Variants in GLIS3 observed in about 807,000 individuals in gnomAD.
GLIS3 encodes the protein GLIS family zinc finger 3, also known as zinc finger protein GLIS3.
Under a neutral mutation model 78.6 loss-of-function variants are expected in GLIS3, and 53 were observed. That is an observed-to-expected ratio of 0.67 (90% confidence interval 0.54 to 0.85). The LOEUF is 0.85. Among genes scored for constraint, GLIS3 ranks in the 40% least tolerant of loss-of-function variants. The pLI, the probability that GLIS3 is intolerant of heterozygous loss-of-function variation, is 0.00. For synonymous variants in GLIS3, 684 were observed against 509.9 expected, an observed-to-expected ratio of 1.34 and a Z score of -4.60; for missense variants, 1,703 against 1,231.1, an observed-to-expected ratio of 1.38 and a Z score of -5.74.
intron 2 of GLIS3, among the ~76,000 whole-genome samples, chr9:4,170,160 A>C (rs1191799543): frequency 3.3e-5 from 5 of 152,260 alleles, no homozygotes; most frequent in Non-Finnish European, 5.9e-5. Flanking sequence ...ATCAGTGTCC[A>C]GGATGAGTTA....
At chr9:4,090,694 T>C (rs1320694298) in intron 4 of GLIS3, among the ~76,000 whole-genome samples, 1 of 152,186 alleles carries the variant, frequency 6.6e-6, no homozygotes, top group Non-Finnish European at 1.5e-5. Context: ...CATCCAGTGT[T>C]CCTTAGTTTC....
At chr9:4,272,260 A>G (rs1315846320) in intron 2 of GLIS3, among the ~76,000 whole-genome samples, 2 of 152,202 alleles carry the variant, frequency 1.3e-5, no homozygotes, top group African/African-American at 2.4e-5. Flanking sequence ...TCTCTGCTTC[A>G]GCTTGCTGTT....
intron 2 of GLIS3, among the ~76,000 whole-genome samples, chr9:4,154,484 C>CAA (rs1834908421): frequency 6.6e-6 from 1 of 152,138 alleles, no homozygotes; most frequent in Non-Finnish European, 1.5e-5. Context: ...GATATAACTA[C>CAA]AAAAATATTT....
At chr9:3,832,046 A>G (rs1037344806) in intron 9 of GLIS3, among the ~76,000 whole-genome samples, 1 of 151,994 alleles carries the variant, frequency 6.6e-6, no homozygotes, top group African/African-American at 2.4e-5. Context: ...TAGCTCAACT[A>G]CTTACCAACT....
chr9:4,318,244 G>C (rs561592594), intron 2 of GLIS3, among the ~76,000 whole-genome samples: 1 of 152,118 alleles, frequency 6.6e-6, no homozygotes, highest in Non-Finnish European at 1.5e-5. Flanking sequence ...ATGGGAATTC[G>C]AGGGGCCAGG....
intron 2 of GLIS3, among the ~76,000 whole-genome samples, chr9:4,216,106 T>A (rs2131314169): frequency 6.6e-6 from 1 of 152,260 alleles, no homozygotes; most frequent in South Asian, 2.1e-4. Flanking sequence ...AAACTTTGAC[T>A]TTTTCTTCCA....
chr9:4,403,497 TACA>T, the GLIS3 span, among the ~76,000 whole-genome samples: 2 of 152,008 alleles, frequency 1.3e-5, no homozygotes, highest in African/African-American at 4.8e-5. Flanking sequence ...AAATAATAAC[TACA>T]ACAACTTTTC....
chr9:4,411,005 C>A, the GLIS3 span, among the ~76,000 whole-genome samples: 7 of 152,186 alleles, frequency 4.6e-5, no homozygotes, highest in African/African-American at 1.4e-4. Context: ...ATGTAACAAC[C>A]TTTACACATT....
At chr9:4,131,452 G>C (rs555589744) in intron 2 of GLIS3, among the ~76,000 whole-genome samples, 1 of 152,284 alleles carries the variant, frequency 6.6e-6, no homozygotes, top group East Asian at 1.9e-4. Context: ...GAGGTGATTG[G>C]ATCAGTGGGA....
intron 2 of GLIS3, among the ~76,000 whole-genome samples, chr9:4,282,754 C>G (rs1276445887): frequency 6.6e-6 from 1 of 152,004 alleles, no homozygotes; most frequent in Non-Finnish European, 1.5e-5. Flanking sequence ...TATATATACA[C>G]ACACACAAAT....
At chr9:4,483,874 A>G in the GLIS3 span, among the ~76,000 whole-genome samples, 1 of 152,218 alleles carries the variant, frequency 6.6e-6, no homozygotes, top group East Asian at 1.9e-4. Flanking sequence ...GCTGTAAGAT[A>G]ATGATGATAA....
At chr9:3,962,776 T>A (rs181483034) in intron 4 of GLIS3, among the ~76,000 whole-genome samples, 19 of 152,294 alleles carry the variant, frequency 1.2e-4, no homozygotes, top group Admixed American at 1.3e-4. Flanking sequence ...CATTTGGTCT[T>A]CACTCTAGCA....
chr9:4,065,164 G>A (rs1826987895), intron 4 of GLIS3, among the ~76,000 whole-genome samples: 1 of 152,134 alleles, frequency 6.6e-6, no homozygotes. Context: ...AGGCTGTGGA[G>A]TTTACAAACC....
At chr9:4,262,256 T>C (rs959117661) in intron 2 of GLIS3, among the ~76,000 whole-genome samples, 1 of 152,134 alleles carries the variant, frequency 6.6e-6, no homozygotes, top group Non-Finnish European at 1.5e-5. Flanking sequence ...CCCAACAAGA[T>C]ATAAGGTAAA....
the GLIS3 span, among the ~76,000 whole-genome samples, chr9:4,459,734 T>G: frequency 6.6e-6 from 1 of 152,106 alleles, no homozygotes; most frequent in Non-Finnish European, 1.5e-5. Context: ...AGTGAGCCAC[T>G]GCAGCCCATG....
At chr9:4,143,541 T>C (rs575337033) in intron 2 of GLIS3, among the ~76,000 whole-genome samples, 62 of 150,898 alleles carry the variant, frequency 4.1e-4, no homozygotes, top group Non-Finnish European at 7.2e-4. Context: ...CACTCCAGCC[T>C]GGGCGACAGA....
At chr9:4,202,993 A>G (rs1429831059) in intron 2 of GLIS3, among the ~76,000 whole-genome samples, 2 of 152,250 alleles carry the variant, frequency 1.3e-5, no homozygotes, top group African/African-American at 4.8e-5. Context: ...TAAACTAAAG[A>G]ACTTCTATAC....
chr9:4,011,037 G>T (rs1821961599), intron 4 of GLIS3, among the ~76,000 whole-genome samples: 3 of 152,164 alleles, frequency 2.0e-5, no homozygotes, highest in Non-Finnish European at 4.4e-5. Flanking sequence ...AGCTCAGCGG[G>T]GAGTGGAGGT....
the GLIS3 span, among the ~76,000 whole-genome samples, chr9:4,392,818 G>A: frequency 1.3e-5 from 2 of 152,076 alleles, no homozygotes; most frequent in Non-Finnish European, 2.9e-5. Context: ...ATAATGTTAA[G>A]TAGAAACACA....
Sources: allele counts gnomAD v4.1 joint callset (sites outside exome capture counted in the v4.1 genomes callset), GRCh38; gene constraint gnomAD v4.1.1; transcripts MANE v1.5; gene names NCBI Gene and HGNC (gene_info 2026-07-23, HGNC 2026-07-21).